Variants in SORBS2 observed in about 807,000 individuals in gnomAD.
SORBS2 encodes the protein sorbin and SH3 domain-containing protein 2.
A neutral mutation model predicts 97.7 loss-of-function variants in SORBS2; 46 were observed. That is an observed-to-expected ratio of 0.47 (90% CI 0.37 to 0.60). The LOEUF (loss-of-function observed/expected upper bound fraction) is 0.60. SORBS2 is among the 20% of genes least tolerant of loss of function. The probability of loss-of-function intolerance (pLI) is 0.00; values close to 1 mark genes in which losing one functional copy is unlikely to be tolerated. For missense variants in SORBS2, 1,316 were observed against 1,282.3 expected (o/e 1.03, Z -0.40); for synonymous variants, 476 against 473.4 (o/e 1.01, Z -0.07).
chr4:185,702,653 A>G (rs1366622778), intron 2 of SORBS2, among the ~76,000 whole-genome samples: 1 of 137,142 alleles, frequency 7.3e-6, no homozygotes, highest in East Asian at 2.1e-4. Flanking sequence ...TCTTAATGTT[A>G]CATGACTTTT....
chr4:185,649,404 T>A (rs746594596), intron 3 of SORBS2, 63 bp downstream of exon 12: 261 of 1,328,286 alleles, frequency 2.0e-4, no homozygotes, highest in Non-Finnish European at 2.5e-4. Context: ...TTCTACTGAA[T>A]GCCATGTAGA....
intron 11 of SORBS2, among the ~76,000 whole-genome samples, chr4:185,613,741 G>T (rs1370943285): frequency 6.6e-6 from 1 of 151,682 alleles, no homozygotes. Flanking sequence ...CTAGGCTGTT[G>T]TGTGAGCTGT....
intron 1 of SORBS2, among the ~76,000 whole-genome samples, chr4:185,781,522 C>T (rs1026258284): frequency 1.5e-4 from 22 of 146,742 alleles, no homozygotes; most frequent in African/African-American, 5.2e-4. Context: ...CATTGCCTCC[C>T]GCCTCTCCAG....
rs995675714 is a variant in SORBS2 at position 185,720,786 on chromosome 4, T to C, written c.-197-41964A>G. Among the ~76,000 whole-genome samples, 3 of 152,342 alleles carry C rather than the reference T, an allele frequency of 2.0e-5. No homozygotes were observed. In the East Asian group the frequency reaches 5.8e-4, roughly 29 times the overall value. On this transcript the variant is annotated intron_variant, in intron 2 of 20. Coordinates refer to the SORBS2 transcript ENST00000284776. Reference sequence around the variant, plus strand: ...TCTCAAAGAATGAATTGCAGTTTTTTCACAGTGGAGGTACTGATAATTCAC... The same window carrying C: ...TCTCAAAGAATGAATTGCAGTTTTTCCACAGTGGAGGTACTGATAATTCAC...
In SORBS2 at chr4:185,852,843, C is replaced by T. The variant is rs2099218682; in HGVS notation, c.-337-77477G>A. Among the ~76,000 whole-genome samples, 3 of 152,144 alleles carry T rather than the reference C, an allele frequency of 2.0e-5. No individual in the cohort carries two copies. In the East Asian group the frequency reaches 5.8e-4, roughly 29 times the overall value. On this transcript the variant is annotated intron_variant, in intron 1 of 20. Coordinates refer to the SORBS2 transcript ENST00000284776. ...TTCTCTTTTTGTTTACTTGAATTAA[C>T]ATAAAAACAGTGCTTTAAATCATTT...
intron 2 of SORBS2, among the ~76,000 whole-genome samples, chr4:185,737,492 G>A (rs1009554236): frequency 6.6e-6 from 1 of 152,200 alleles, no homozygotes; most frequent in African/African-American, 2.4e-5. Flanking sequence ...GGGCAGTGGG[G>A]AGAAACGGGG....
intron 1 of SORBS2, among the ~76,000 whole-genome samples, chr4:185,939,579 C>T (rs763756093): frequency 9.2e-5 from 14 of 152,138 alleles, no homozygotes; most frequent in East Asian, 3.9e-4. Flanking sequence ...GGCGCGACCT[C>T]GGCTCACCGC....
intron 2 of SORBS2, among the ~76,000 whole-genome samples, chr4:185,692,158 A>T (rs551797296): frequency 6.6e-6 from 1 of 152,230 alleles, no homozygotes; most frequent in South Asian, 2.1e-4. Flanking sequence ...AAGGTAGCAA[A>T]TCTCCTAAGT....
chr4:185,768,710 A>C (rs1233625310), intron 2 of SORBS2, among the ~76,000 whole-genome samples: 1 of 84,792 alleles, frequency 1.2e-5, no homozygotes, highest in Non-Finnish European at 2.5e-5. Context: ...AAAAAAAAAA[A>C]ACAAAAAAAC....
chr4:185,617,030 T>A (rs1208952346), intron 9 of SORBS2, among the ~76,000 whole-genome samples: 3 of 152,254 alleles, frequency 2.0e-5, no homozygotes, highest in Non-Finnish European at 2.9e-5. Flanking sequence ...ATTACAGGCA[T>A]GAGCCACCGT....
intron 2 of SORBS2, among the ~76,000 whole-genome samples, chr4:185,740,620 CTAACTCAGCCCAACAT>C (rs1222168236): frequency 5.3e-5 from 8 of 151,962 alleles, no homozygotes; most frequent in African/African-American, 1.9e-4. Context: ...CAGCCCAACA[CTAACTCAGCCCAACAT>C]TAACTCAGCC....
intron 1 of SORBS2, among the ~76,000 whole-genome samples, chr4:185,829,003 A>G (rs1217657218): frequency 2.0e-5 from 3 of 152,188 alleles, no homozygotes; most frequent in Non-Finnish European, 4.4e-5. Context: ...TCCATCCTCC[A>G]TATGTGACAC....
At chr4:185,596,898 C>A (rs2096114462) in intron 12 of SORBS2, among the ~76,000 whole-genome samples, 1 of 152,136 alleles carries the variant, frequency 6.6e-6, no homozygotes, top group African/African-American at 2.4e-5. Context: ...TCAAACCCTG[C>A]CCCTCTTTTT....
At chr4:185,656,712 T>C in exon 1 of SORBS2, 2 of 1,547,848 alleles carry the variant, frequency 1.3e-6, no homozygotes, top group South Asian at 2.4e-5. Context: ...AGCTGCTGCC[T>C]GCCCAGGCTC....
intron 5 of SORBS2, among the ~76,000 whole-genome samples, chr4:185,627,675 C>T (rs1016043804): frequency 2.6e-5 from 4 of 152,202 alleles, no homozygotes; most frequent in African/African-American, 7.2e-5. Flanking sequence ...TTTCCTGATG[C>T]GTCGTCACCC....
At chr4:185,755,778 C>T (rs1356784127) in intron 2 of SORBS2, among the ~76,000 whole-genome samples, 2 of 152,218 alleles carry the variant, frequency 1.3e-5, no homozygotes, top group African/African-American at 4.8e-5. Context: ...TCAAGACTTT[C>T]CCTTTAACTA....
At chr4:185,895,712 T>C (rs2099244698) in intron 1 of SORBS2, among the ~76,000 whole-genome samples, 1 of 152,250 alleles carries the variant, frequency 6.6e-6, no homozygotes, top group Admixed American at 6.5e-5. Flanking sequence ...CTGAGAACTT[T>C]GCCTCAACAA....
intron 4 of SORBS2, among the ~76,000 whole-genome samples, chr4:185,643,968 G>T (rs1264853279): frequency 6.6e-6 from 1 of 152,048 alleles, no homozygotes; most frequent in Non-Finnish European, 1.5e-5. Context: ...ATATCAGTAC[G>T]CGGCCAGTCT....
At chr4:185,744,052 C>G (rs535220466) in intron 2 of SORBS2, among the ~76,000 whole-genome samples, 5 of 142,478 alleles carry the variant, frequency 3.5e-5, no homozygotes, top group African/African-American at 1.3e-4. Context: ...TCCCCTTCTT[C>G]CTCCTTCTCC....
Sources: gnomAD v4.1 joint callset for allele counts (sites outside exome capture counted in the v4.1 genomes callset) on GRCh38, gnomAD v4.1.1 for gene constraint, MANE v1.5 for transcripts, NCBI Gene and HGNC (gene_info 2026-07-23, HGNC 2026-07-21) for gene names.